KLHL8: variants seen among roughly 807,000 people sequenced by gnomAD.
KLHL8 encodes the protein kelch like family member 8.
KLHL8 carries 38 observed loss-of-function variants against 63.5 expected under a neutral mutation model. The observed-to-expected ratio is 0.60, with a 90% CI of 0.46 to 0.78. The LOEUF is 0.78. KLHL8 is among the 30% of genes least tolerant of loss of function. The pLI is 0.00. For missense variants in KLHL8, 566 were observed against 752.4 expected, an observed-to-expected ratio of 0.75 and a Z score of 2.90; for synonymous variants, 224 against 254.3, an observed-to-expected ratio of 0.88 and a Z score of 1.13.
chr4:87,182,548 AAT>A (rs1383751142), intron 4 of KLHL8, among the ~76,000 whole-genome samples: 9 of 152,262 alleles, frequency 5.9e-5, no homozygotes, highest in African/African-American at 1.7e-4. Flanking sequence ...TCATGTCTCA[AAT>A]ATGTTACGCT....
Position 87,183,204 on chromosome 4 carries a change from A to T in KLHL8, c.951T>A (p.Ala317=). 1 of 1,586,676 alleles carries T rather than the reference A, an allele frequency of 6.3e-7. No homozygotes were observed. Among genetic ancestry groups the T allele is most frequent in the African/African-American group, 1.3e-5 (1 of 74,434 alleles). ...GAATTGACAAAATAATTTGGTTACC[A>T]GCAGTATGCTTCCTTGGGGTAGTCC... The part of the protein sequence containing the change: ...SIRTTPRKHT[A]GVLFCVGGRG... Residue 317 remains alanine, a splice_region_variant and synonymous_variant, in exon 4 of 10, where the codon GCT becomes GCA. Coordinates refer to ENST00000273963, the MANE Select transcript of KLHL8 (RefSeq NM_020803.5).
rs528903564 is a variant in KLHL8 at position 87,201,436 on chromosome 4, T to C, written c.-151-5746A>G. ...GGAGAAACAGACAAATTCACAATTA[T>C]AATTGAAGAGATTTAAACATTCCTC... is the stretch of plus-strand genomic sequence containing the variant. On this transcript the variant is annotated intron_variant, in intron 1 of 9. Coordinates refer to ENST00000273963, the MANE Select transcript of KLHL8 (RefSeq NM_020803.5). Among the ~76,000 whole-genome samples, 4 of 152,346 alleles carry C rather than the reference T, an allele frequency of 2.6e-5. No individual in the cohort carries two copies. The South Asian group carries it at 8.3e-4, about 32-fold the overall frequency.
rs761083202 is a variant in KLHL8, at chr4:87,216,728, T to G, written c.-152+3690A>C. Reference sequence around the variant, plus strand: ...AACCAAACCAAACAATATACTTTCTTGCATGACCAACCCATTTAAAAAAAA... The same window carrying G: ...AACCAAACCAAACAATATACTTTCTGGCATGACCAACCCATTTAAAAAAAA... On this transcript the variant is annotated intron_variant, in intron 1 of 9. Coordinates refer to ENST00000273963, the MANE Select transcript of KLHL8 (RefSeq NM_020803.5). Among the ~76,000 whole-genome samples the G allele has an allele frequency of 3.5e-4, 53 of 152,216 alleles. No individual in the cohort carries two copies. The Middle Eastern group carries it at 0.014, about 39-fold the overall frequency.
chr4:87,200,400 T>A, intron 1 of KLHL8, among the ~76,000 whole-genome samples: 1 of 152,218 alleles, frequency 6.6e-6, no homozygotes. Flanking sequence ...TTACTTATGA[T>A]ACCTAAGACA....
intron 1 of KLHL8, among the ~76,000 whole-genome samples, chr4:87,202,885 T>C (rs777921814): frequency 6.6e-6 from 1 of 152,100 alleles, no homozygotes; most frequent in Non-Finnish European, 1.5e-5. Flanking sequence ...ATATCCCTCA[T>C]GAATACAGAC....
intron 1 of KLHL8, among the ~76,000 whole-genome samples, chr4:87,205,013 G>A (rs1195087575): frequency 1.3e-5 from 2 of 152,114 alleles, no homozygotes; most frequent in Non-Finnish European, 2.9e-5. Flanking sequence ...AAAAAAGATT[G>A]TTGCATTCCA....
intron 1 of KLHL8, among the ~76,000 whole-genome samples, chr4:87,239,365 C>T (rs1688063132): frequency 6.6e-6 from 1 of 152,178 alleles, no homozygotes; most frequent in South Asian, 2.1e-4. Context: ...GGGAGAGGCT[C>T]CAGTGCGCCT....
chr4:87,217,224 TATA>T (rs1205487652), intron 1 of KLHL8, among the ~76,000 whole-genome samples: 1 of 142,664 alleles, frequency 7.0e-6, no homozygotes, highest in Non-Finnish European at 1.5e-5. Context: ...CTTTGGCTAA[TATA>T]AACCATTTTG....
intron 1 of KLHL8, chr4:87,207,849 T>C (rs1241398099): frequency 4.7e-6 from 7 of 1,499,654 alleles, no homozygotes; most frequent in African/African-American, 4.1e-5. Context: ...CTGCCAAATA[T>C]GATGACATCA....
intron 4 of KLHL8, among the ~76,000 whole-genome samples, chr4:87,181,458 G>A (rs1731050057): frequency 6.6e-6 from 1 of 151,890 alleles, no homozygotes; most frequent in African/African-American, 2.4e-5. Context: ...TAATAAATTT[G>A]CCCAAAATTA....
At chr4:87,193,905 A>G (rs1731591436) in intron 2 of KLHL8, among the ~76,000 whole-genome samples, 1 of 152,254 alleles carries the variant, frequency 6.6e-6, no homozygotes, top group Non-Finnish European at 1.5e-5. Flanking sequence ...CATGAAAAAG[A>G]TTAAAATACT....
At chr4:87,219,909 C>T (rs1310941513) in intron 1 of KLHL8, 1 of 152,030 alleles carries the variant, frequency 6.6e-6, no homozygotes, top group Non-Finnish European at 1.5e-5. Flanking sequence ...CGGCGTGGCC[C>T]GGAGGTGGCC....
Position 87,176,749 on chromosome 4 carries a change from T to G in KLHL8, c.1208+8A>C, listed in dbSNP as rs776988131. On this transcript the variant is annotated splice_region_variant and intron_variant, in intron 6 of 9. Coordinates refer to ENST00000273963, the MANE Select transcript of KLHL8 (RefSeq NM_020803.5). Reference sequence around the variant, plus strand: ...ATCAGTTCAAAATAACTTTCCATGCTGATCTACCTCTTTGTGTTCATTGAT... The same window carrying G: ...ATCAGTTCAAAATAACTTTCCATGCGGATCTACCTCTTTGTGTTCATTGAT... 3 of 1,438,692 alleles carry G rather than the reference T, an allele frequency of 2.1e-6. No individual in the cohort carries two copies. The allele number at this position is 1,438,692 out of a possible 1,614,324, so 89.1% of individuals were successfully genotyped here. A position where few individuals can be genotyped will look rare whatever the true frequency, so the allele number is the denominator to read the frequency against.
intron 6 of KLHL8, among the ~76,000 whole-genome samples, chr4:87,172,385 G>C (rs1400474759): frequency 1.3e-5 from 2 of 152,212 alleles, no homozygotes; most frequent in Non-Finnish European, 2.9e-5. Flanking sequence ...TTCTGGCCTT[G>C]TGGGACCCTA....
At chr4:87,176,464 A>G (rs1030324761) in intron 6 of KLHL8, among the ~76,000 whole-genome samples, 4 of 152,212 alleles carry the variant, frequency 2.6e-5, no homozygotes, top group African/African-American at 9.6e-5. Flanking sequence ...TATTTTTGCA[A>G]CTTCTCTGAA....
chr4:87,219,141 T>C (rs1732720030), intron 1 of KLHL8, among the ~76,000 whole-genome samples: 1 of 152,210 alleles, frequency 6.6e-6, no homozygotes, highest in African/African-American at 2.4e-5. Context: ...AGTTTGAAGT[T>C]TGAACTGGGT....
At chr4:87,182,144 G>A (rs1731076582) in intron 4 of KLHL8, among the ~76,000 whole-genome samples, 1 of 150,646 alleles carries the variant, frequency 6.6e-6, no homozygotes, top group South Asian at 2.1e-4. Flanking sequence ...CAGAAGAATG[G>A]CGTGAACCTG....
In KLHL8 at chr4:87,176,794, T is replaced by G. The variant is rs1730834874; in HGVS notation, c.1171A>C (p.Asn391His). The G allele has an allele frequency of 6.2e-7, 1 of 1,605,786 alleles. No individual in the cohort carries two copies. Among genetic ancestry groups the G allele is most frequent in the Admixed American group, 1.7e-5 (1 of 59,018 alleles). The change falls in exon 6 of 10, where the codon AAT (asparagine) becomes CAT (histidine). Residue 391 changes from asparagine to histidine, a missense_variant. By Grantham distance (68) the Asn-to-His change is moderately conservative. Coordinates refer to ENST00000273963, the MANE Select transcript of KLHL8 (RefSeq NM_020803.5). ...ATTGATGCCTTCATCATCCATTTATTAGTGAGAGGATCAAACATCTCCATA... is the reference window on the plus strand; with the variant it reads ...ATTGATGCCTTCATCATCCATTTATGAGTGAGAGGATCAAACATCTCCATA... ...GSMEMFDPLT[N>H]KWMMKASMNT...
At chr4:87,231,933 A>T (rs1733144459) in intron 1 of KLHL8, among the ~76,000 whole-genome samples, 1 of 152,092 alleles carries the variant, frequency 6.6e-6, no homozygotes. Flanking sequence ...TATCTCACAG[A>T]TTTTCTCCTA....
Sources: allele counts gnomAD v4.1 joint callset (sites outside exome capture counted in the v4.1 genomes callset), GRCh38; gene constraint gnomAD v4.1.1; transcripts MANE v1.5; gene names NCBI Gene and HGNC (gene_info 2026-07-23, HGNC 2026-07-21).